The following CSMD2 variants were observed in gnomAD, a reference collection of about 807,000 sequenced individuals.
The protein encoded by CSMD2 is CUB and sushi domain-containing protein 2.
A neutral mutation model predicts 398.5 loss-of-function variants in CSMD2; 130 were observed. That is an observed-to-expected ratio of 0.33 (90% CI 0.28 to 0.38). The LOEUF (loss-of-function observed/expected upper bound fraction) is 0.38, where lower values mean the gene tolerates loss of function less well. Ranked by LOEUF, CSMD2 falls within the 10% of genes least tolerant of loss-of-function variation. The pLI is 1.00. For synonymous variants in CSMD2, 1,828 were observed against 1,908.5 expected (o/e 0.96, Z 1.10); for missense variants, 3,829 against 4,764.9 (o/e 0.80, Z 5.78).
chr1:33,543,000 G>A lies in CSMD2; in HGVS notation c.9101-104C>T, dbSNP rs566793867. ...AAGCCACATGCTACCTCGGGACCTCGTGGATAGAAATGCCTCTCATGCTGC... is the reference window on the plus strand; with the variant it reads ...AAGCCACATGCTACCTCGGGACCTCATGGATAGAAATGCCTCTCATGCTGC... On this transcript the variant is annotated intron_variant, in intron 57 of 70. Transcript: ENST00000373381. 262 of 906,246 alleles carry A rather than the reference G, an allele frequency of 2.9e-4. No individual in the cohort carries two copies. The African/African-American group carries it at 3.9e-3, about 14-fold the overall frequency. 56.1% of individuals were successfully genotyped at this position (906,246 alleles called of 1,614,324 possible). A position where few individuals can be genotyped will look rare whatever the true frequency, so the allele number is the denominator to read the frequency against.
chr1:33,785,269 C>A (rs1653386990), intron 12 of CSMD2, among the ~76,000 whole-genome samples: 1 of 152,238 alleles, frequency 6.6e-6, no homozygotes, highest in African/African-American at 2.4e-5. Flanking sequence ...ACTCCCCAAC[C>A]TCTGGTGACA....
intron 10 of CSMD2, among the ~76,000 whole-genome samples, chr1:33,800,989 CCAA>C (rs3078817): frequency 0.44 from 67,218 of 151,662 alleles, 16,335 homozygotes; most frequent in East Asian, 0.64. Flanking sequence ...AACAAATGGG[CCAA>C]CGAGTATGTC....
chr1:33,764,824 T>C (rs1650280906), intron 13 of CSMD2, among the ~76,000 whole-genome samples: 1 of 152,216 alleles, frequency 6.6e-6, no homozygotes. Context: ...AGGGAAATGA[T>C]GTTTGAAATT....
chr1:33,542,677 G>A (rs1450496781), intron 58 of CSMD2, 43 bp downstream of exon 58: 1 of 1,560,664 alleles, frequency 6.4e-7, no homozygotes, highest in Non-Finnish European at 8.7e-7. Context: ...TGCAGGATCT[G>A]GGCCACTGTT....
chr1:33,683,135 T>A (rs1644960252), intron 25 of CSMD2, among the ~76,000 whole-genome samples: 1 of 152,354 alleles, frequency 6.6e-6, no homozygotes, highest in East Asian at 1.9e-4. Flanking sequence ...AATGCTGCTA[T>A]TGTGGATTTT....
At chr1:33,817,411 T>C (rs1454084537) in intron 9 of CSMD2, among the ~76,000 whole-genome samples, 1 of 152,206 alleles carries the variant, frequency 6.6e-6, no homozygotes, top group Non-Finnish European at 1.5e-5. Flanking sequence ...GATTTTGTTT[T>C]CCTTGTTCAC....
At chr1:33,539,167 C>T (rs1012470871) in intron 60 of CSMD2, among the ~76,000 whole-genome samples, 22 of 152,258 alleles carry the variant, frequency 1.4e-4, no homozygotes, top group Admixed American at 8.5e-4. Flanking sequence ...AGGGTTTCAC[C>T]TTGTTAGCCA....
At chr1:33,621,541 A>G (rs781083114) in intron 37 of CSMD2, among the ~76,000 whole-genome samples, 1 of 152,220 alleles carries the variant, frequency 6.6e-6, no homozygotes, top group Non-Finnish European at 1.5e-5. Context: ...GCCGAATAAA[A>G]GTGTAAAAAA....
At chr1:34,032,444 G>T in intron 3 of CSMD2, 150 bp downstream of exon 3, 1 of 524,336 alleles carries the variant, frequency 1.9e-6, no homozygotes, top group Non-Finnish European at 3.3e-6. Flanking sequence ...TTAAGTAACT[G>T]AGTTACTGGT....
At chr1:34,022,322 T>C (rs1470508797) in intron 3 of CSMD2, among the ~76,000 whole-genome samples, 1 of 152,216 alleles carries the variant, frequency 6.6e-6, no homozygotes, top group Admixed American at 6.5e-5. Flanking sequence ...ATTATTCTTA[T>C]TGTCCTCCTA....
At chr1:34,132,677 TAGAC>T (rs1358228866) in intron 1 of CSMD2, among the ~76,000 whole-genome samples, 3 of 152,110 alleles carry the variant, frequency 2.0e-5, no homozygotes, top group African/African-American at 7.2e-5. Context: ...AAAGAAGAAA[TAGAC>T]AGAGAAGAGG....
At chr1:33,653,022 C>T (rs1338383816) in intron 27 of CSMD2, among the ~76,000 whole-genome samples, 2 of 152,146 alleles carry the variant, frequency 1.3e-5, no homozygotes, top group Non-Finnish European at 2.9e-5. Flanking sequence ...CTTCCAAAGT[C>T]ACAGGATTTC....
intron 2 of CSMD2, among the ~76,000 whole-genome samples, chr1:34,087,026 G>C (rs1375340204): frequency 6.6e-6 from 1 of 152,044 alleles, no homozygotes; most frequent in East Asian, 1.9e-4. Context: ...GGATGATCTA[G>C]AATGAGGATT....
chr1:33,967,116 T>G (rs1030897826), intron 3 of CSMD2, among the ~76,000 whole-genome samples: 1 of 152,190 alleles, frequency 6.6e-6, no homozygotes, highest in African/African-American at 2.4e-5. Context: ...CATAATGATG[T>G]GGGGTGAGGT....
chr1:33,771,545 T>C (rs1651263979), intron 13 of CSMD2, among the ~76,000 whole-genome samples: 1 of 150,414 alleles, frequency 6.6e-6, no homozygotes, highest in Non-Finnish European at 1.5e-5. Flanking sequence ...TTGGACAACG[T>C]GATTTTTTTT....
chr1:33,949,990 G>C (rs548563680), intron 3 of CSMD2, among the ~76,000 whole-genome samples: 7 of 152,270 alleles, frequency 4.6e-5, no homozygotes, highest in African/African-American at 1.7e-4. Context: ...ATCTGGGACT[G>C]GCCCATCATC....
intron 10 of CSMD2, among the ~76,000 whole-genome samples, chr1:33,800,588 CTAGAAAGCT>C (rs1655474282): frequency 6.6e-6 from 1 of 152,154 alleles, no homozygotes; most frequent in Non-Finnish European, 1.5e-5. Flanking sequence ...CTCTAAGTTT[CTAGAAAGCT>C]TCACAGAAGA....
chr1:33,958,516 C>G (rs1645243563), intron 3 of CSMD2, among the ~76,000 whole-genome samples: 1 of 152,110 alleles, frequency 6.6e-6, no homozygotes, highest in African/African-American at 2.4e-5. Flanking sequence ...ACTGAGGTCC[C>G]TGATGAGTTG....
intron 1 of CSMD2, among the ~76,000 whole-genome samples, chr1:34,105,779 T>G (rs2053218): frequency 6.6e-6 from 1 of 152,132 alleles, no homozygotes; most frequent in Middle Eastern, 3.4e-3. Flanking sequence ...ATATTGTAGT[T>G]TGAAGCATAA....
Sources: allele counts gnomAD v4.1 joint callset (sites outside exome capture counted in the v4.1 genomes callset), GRCh38; gene constraint gnomAD v4.1.1; transcripts MANE v1.5; gene names NCBI Gene and HGNC (gene_info 2026-07-23, HGNC 2026-07-21).